Variants in KIF11 observed in about 807,000 individuals in gnomAD.
KIF11 encodes kinesin-like protein KIF11.
In KIF11, 9 loss-of-function variants were observed where a neutral mutation model predicts 121.0. The observed-to-expected ratio is 0.07, with a 90% CI of 0.04 to 0.13. The LOEUF (loss-of-function observed/expected upper bound fraction) is 0.13, where lower values mean the gene tolerates loss of function less well. KIF11 is among the 10% of genes least tolerant of loss of function. The pLI is 1.00. For synonymous variants in KIF11, 408 were observed against 421.0 expected, an observed-to-expected ratio of 0.97 and a Z score of 0.38; for missense variants, 846 against 1,217.5, an observed-to-expected ratio of 0.69 and a Z score of 4.54.
intron 8 of KIF11, among the ~76,000 whole-genome samples, chr10:92,614,138 C>T (rs1844528680): frequency 6.6e-6 from 1 of 151,122 alleles, no homozygotes; most frequent in Non-Finnish European, 1.5e-5. Flanking sequence ...CTCTTGTCCC[C>T]CAGACTGGAG....
At chr10:92,606,470 A>T in intron 2 of KIF11, 73 bp downstream of exon 2, 1 of 1,345,454 alleles carries the variant, frequency 7.4e-7, no homozygotes. Context: ...TACCTGGAAA[A>T]TGGTGTATAC....
intron 1 of KIF11, among the ~76,000 whole-genome samples, chr10:92,604,452 A>G (rs1365142388): frequency 6.6e-6 from 1 of 152,184 alleles, no homozygotes; most frequent in African/African-American, 2.4e-5. Flanking sequence ...CCTCAGTATA[A>G]GTTGGTTCTA....
intron 16 of KIF11, among the ~76,000 whole-genome samples, chr10:92,638,236 C>T (rs1844828526): frequency 6.6e-6 from 1 of 152,104 alleles, no homozygotes; most frequent in Non-Finnish European, 1.5e-5. Context: ...GAGCAATTCA[C>T]TGTGTTTATT....
chr10:92,602,924 C>T (rs1230676978), intron 1 of KIF11, among the ~76,000 whole-genome samples: 3 of 150,194 alleles, frequency 2.0e-5, no homozygotes, highest in Non-Finnish European at 4.4e-5. Flanking sequence ...GGCGCGATCT[C>T]GGCTCACTGC....
chr10:92,651,961 CTTTTTTTT>C (rs36000362), intron 21 of KIF11, among the ~76,000 whole-genome samples: 42 of 102,550 alleles, frequency 4.1e-4, no homozygotes, highest in African/African-American at 1.3e-3. Context: ...ATGCTTGTAC[CTTTTTTTT>C]TTTTTTTTTT....
intron 1 of KIF11, among the ~76,000 whole-genome samples, chr10:92,596,445 A>C (rs181586301): frequency 2.1e-4 from 32 of 152,058 alleles, no homozygotes; most frequent in African/African-American, 7.5e-4. Flanking sequence ...CCGACAAACT[A>C]TTTTCCACAG....
chr10:92,630,723 G>A (rs1219362720), intron 12 of KIF11, among the ~76,000 whole-genome samples: 6 of 151,212 alleles, frequency 4.0e-5, no homozygotes, highest in Admixed American at 2.0e-4. Flanking sequence ...AAAATTAGCC[G>A]GGCGTGGTGG....
Position 92,653,776 on chromosome 10 carries a change from C to A in KIF11, c.3151C>A (p.Arg1051=), listed in dbSNP as rs573375311. 2 of 1,613,350 alleles carry A rather than the reference C, an allele frequency of 1.2e-6. No homozygotes were observed. Among genetic ancestry groups the A allele is most frequent in the Admixed American group, 3.3e-5 (2 of 59,816 alleles). ...HLVTKSRLPL[R]AQINL ...GGTTACAAAGAGCAGATTACCTCTGCGAGCCCAGATCAACCTTTAATTCAC... is the reference window on the plus strand; with the variant it reads ...GGTTACAAAGAGCAGATTACCTCTGAGAGCCCAGATCAACCTTTAATTCAC... The change falls in exon 22 of 22, where the codon CGA becomes AGA. Residue 1051 remains arginine, a synonymous_variant. Transcript: ENST00000260731.
chr10:92,642,244 A>G (rs1348085449), intron 17 of KIF11, among the ~76,000 whole-genome samples: 1 of 152,050 alleles, frequency 6.6e-6, no homozygotes, highest in Non-Finnish European at 1.5e-5. Context: ...ATGTTAGGAG[A>G]TTCAGGATCC....
At position 92,648,215 on chromosome 10, in the gene KIF11, G is replaced by A; in HGVS notation, c.2551G>A (p.Val851Ile). 1 of 1,590,962 alleles carries A rather than the reference G, an allele frequency of 6.3e-7. No individual in the cohort carries two copies. Among genetic ancestry groups the A allele is most frequent in the Non-Finnish European group, 8.6e-7 (1 of 1,166,886 alleles). The change falls in exon 19 of 22, where the codon GTA becomes ATA. Residue 851 changes from valine (V) to isoleucine (I), a missense_variant. By Grantham distance (29) the Val-to-Ile change is conservative. This residue lies in a region of KIF11 where 492 missense variants were observed against 603.4 expected (regional missense o/e 0.82). Coordinates refer to ENST00000260731, the MANE Select transcript of KIF11 (RefSeq NM_004523.4). ...EQELHNLLEV[V>I]SQCCEASSSD... ...TATTTATTTGCATCATTTACAGGTTGTAAGCCAATGTTGTGAGGCTTCAAG... is the reference window on the plus strand; with the variant it reads ...TATTTATTTGCATCATTTACAGGTTATAAGCCAATGTTGTGAGGCTTCAAG...
chr10:92,644,570 C>T (rs561441782), intron 17 of KIF11, among the ~76,000 whole-genome samples: 2 of 152,140 alleles, frequency 1.3e-5, no homozygotes, highest in East Asian at 1.9e-4. Flanking sequence ...CCACCTGCCT[C>T]GGCCTCCCAA....
At chr10:92,650,092 C>A in intron 20 of KIF11, 106 bp downstream of exon 20, 1 of 818,196 alleles carries the variant, frequency 1.2e-6, no homozygotes, top group Non-Finnish European at 1.9e-6. Context: ...CTTACCCCGC[C>A]TCTCATTAAT....
intron 9 of KIF11, among the ~76,000 whole-genome samples, chr10:92,618,431 G>C (rs908866897): frequency 6.6e-6 from 1 of 151,774 alleles, no homozygotes; most frequent in Admixed American, 6.6e-5. Flanking sequence ...GATTGCTTTA[G>C]ATCAGGAGTT....
intron 14 of KIF11, among the ~76,000 whole-genome samples, chr10:92,634,613 G>A (rs935260764): frequency 9.2e-5 from 14 of 152,162 alleles, no homozygotes; most frequent in Non-Finnish European, 4.4e-5. Context: ...TCTCTCCACT[G>A]TTTATTCTCT....
chr10:92,594,489 G>A (rs540148789), intron 1 of KIF11, among the ~76,000 whole-genome samples: 2 of 152,274 alleles, frequency 1.3e-5, no homozygotes, highest in Non-Finnish European at 2.9e-5. Context: ...ATTTAAAAAT[G>A]CAGTGCATAT....
intron 14 of KIF11, among the ~76,000 whole-genome samples, chr10:92,635,618 A>G (rs1424278583): frequency 1.3e-5 from 2 of 152,216 alleles, no homozygotes; most frequent in African/African-American, 4.8e-5. Context: ...GTGTATAATG[A>G]AAAAGTTAGA....
chr10:92,621,466 A>T lies in KIF11; in HGVS notation c.1210A>T (p.Asn404Tyr). The change falls in exon 10 of 22, where the codon AAT becomes TAT. Residue 404 changes from asparagine (N) to tyrosine (Y), a missense_variant. Physicochemically the swap from Asn to Tyr is moderately radical, Grantham distance 143. Transcript: ENST00000260731. ...AAATGGAGTGTATATTTCTGAAGAA[A>T]ATTTTAGGTAAGCCCTTGGCTATGG... ...EKNGVYISEE[N>Y]FRVMSGKLTV... 2 of 1,601,068 alleles carry T rather than the reference A, an allele frequency of 1.2e-6. No individual in the cohort carries two copies. The highest frequency in any genetic ancestry group is 1.7e-6 in the Non-Finnish European group (2 of 1,169,146).
intron 13 of KIF11, among the ~76,000 whole-genome samples, chr10:92,633,362 A>G (rs1166749145): frequency 6.6e-6 from 1 of 152,078 alleles, no homozygotes; most frequent in East Asian, 1.9e-4. Context: ...TAATTGTAGA[A>G]TATTCTAATT....
In KIF11 at chr10:92,621,392, C is replaced by T. The variant is rs1844615584; in HGVS notation, c.1136C>T (p.Thr379Met). The T allele has an allele frequency of 1.2e-6, 2 of 1,605,500 alleles. No individual in the cohort carries two copies. Among genetic ancestry groups the T allele is most frequent in the Non-Finnish European group, 1.7e-6 (2 of 1,172,822 alleles). The change falls in exon 10 of 22, where the codon ACG becomes ATG. Residue 379 changes from threonine (T) to methionine (M), a missense_variant. Physicochemically the swap from Thr to Met is moderately conservative, Grantham distance 81. Around this residue, in one of 5 missense-constraint regions of KIF11, gnomAD observed 116 missense variants for 285.3 expected, o/e 0.41. Coordinates refer to ENST00000260731, the MANE Select transcript of KIF11 (RefSeq NM_004523.4). ...LTKKALIKEYTEEIERLKRDL... is the reference protein window; with the variant it reads ...LTKKALIKEYMEEIERLKRDL... ...AACATTCCTCTTGTGTAGGAGTATA[C>T]GGAGGAGATAGAACGTTTAAAACGA...
Sources: gnomAD v4.1 joint callset for allele counts (sites outside exome capture counted in the v4.1 genomes callset) on GRCh38, gnomAD v4.1.1 for gene constraint, gnomAD v4.1.1 regional missense constraint, MANE v1.5 for transcripts, NCBI Gene and HGNC (gene_info 2026-07-23, HGNC 2026-07-21) for gene names.